UBE3A: variants seen among roughly 807,000 people sequenced by gnomAD.
The protein encoded by UBE3A is ubiquitin protein ligase E3A.
UBE3A carries 6 observed loss-of-function variants against 83.4 expected under a neutral mutation model. The ratio of observed to expected loss-of-function variants is 0.07; its 90% CI spans 0.04 to 0.14. The LOEUF is 0.14. Among genes scored for constraint, UBE3A ranks in the 10% least tolerant of loss-of-function variants. The pLI, the probability that UBE3A is intolerant of heterozygous loss-of-function variation, is 1.00. For synonymous variants in UBE3A, 337 were observed against 355.4 expected, an observed-to-expected ratio of 0.95 and a Z score of 0.58; for missense variants, 456 against 1,036.1, an observed-to-expected ratio of 0.44 and a Z score of 7.69.
chr15:25,435,375 G>C (rs1320037517), intron 1 of UBE3A, among the ~76,000 whole-genome samples: 1 of 152,118 alleles, frequency 6.6e-6, no homozygotes. Context: ...CCTAATAAAT[G>C]TTAGTTGATC....
intron 1 of UBE3A, among the ~76,000 whole-genome samples, chr15:25,432,403 C>T (rs908198414): frequency 2.0e-5 from 3 of 152,176 alleles, no homozygotes; most frequent in Admixed American, 2.0e-4. Flanking sequence ...GAAAAGCCAT[C>T]CCTTCTGATT....
chr15:25,348,308 ACATAAGGAAC>A (rs1375026705), intron 11 of UBE3A, among the ~76,000 whole-genome samples: 1 of 152,224 alleles, frequency 6.6e-6, no homozygotes, highest in African/African-American at 2.4e-5. Context: ...CCTAGAAAAT[ACATAAGGAAC>A]CCTTAAAACT....
At chr15:25,399,395 C>T (rs1034380888) in intron 4 of UBE3A, among the ~76,000 whole-genome samples, 1 of 152,100 alleles carries the variant, frequency 6.6e-6, no homozygotes, top group Non-Finnish European at 1.5e-5. Context: ...ATGTGAGATA[C>T]AGGTCTGATT....
At chr15:25,432,160 A>G (rs1177419751) in intron 1 of UBE3A, among the ~76,000 whole-genome samples, 1 of 152,254 alleles carries the variant, frequency 6.6e-6, no homozygotes, top group Non-Finnish European at 1.5e-5. Flanking sequence ...CATGAGTTTA[A>G]CATGAGCTTT....
chr15:25,392,887 T>A (rs528139974), intron 4 of UBE3A, among the ~76,000 whole-genome samples: 1 of 152,294 alleles, frequency 6.6e-6, no homozygotes, highest in African/African-American at 2.4e-5. Flanking sequence ...TAAGTAATTC[T>A]TTTTTTAGCC....
intron 1 of UBE3A, among the ~76,000 whole-genome samples, chr15:25,414,935 GT>G (rs2090604473): frequency 6.6e-6 from 1 of 152,110 alleles, no homozygotes; most frequent in Non-Finnish European, 1.5e-5. Flanking sequence ...TATACTTCCA[GT>G]GCTTGCAAAT....
chr15:25,416,059 A>G (rs1037105158), intron 1 of UBE3A, among the ~76,000 whole-genome samples: 1 of 152,192 alleles, frequency 6.6e-6, no homozygotes, highest in African/African-American at 2.4e-5. Context: ...CCAGATATTA[A>G]AACATATTAA....
intron 4 of UBE3A, among the ~76,000 whole-genome samples, chr15:25,377,346 A>G (rs1158102095): frequency 6.6e-6 from 1 of 152,222 alleles, no homozygotes. Flanking sequence ...CACTCACTGC[A>G]TGCAAACAGA....
At chr15:25,428,947 AAAC>A (rs1892212846) in intron 1 of UBE3A, among the ~76,000 whole-genome samples, 1 of 152,192 alleles carries the variant, frequency 6.6e-6, no homozygotes, top group Non-Finnish European at 1.5e-5. Flanking sequence ...AGCAAAAAGA[AAAC>A]AACTCAAAAT....
chr15:25,416,746 G>C (rs1052682481), intron 1 of UBE3A, among the ~76,000 whole-genome samples: 20 of 151,982 alleles, frequency 1.3e-4, no homozygotes, highest in Non-Finnish European at 2.6e-4. Flanking sequence ...GAAAGTATCT[G>C]ACAGTTGCTC....
At chr15:25,381,757 C>T (rs1017891147) in intron 4 of UBE3A, among the ~76,000 whole-genome samples, 8 of 152,116 alleles carry the variant, frequency 5.3e-5, no homozygotes, top group African/African-American at 1.9e-4. Flanking sequence ...GAGTGAGCAA[C>T]GGTATCCTAA....
rs1344607427 is a variant in UBE3A, at chr15:25,334,139, AG to A, written c.*4997del. 1.3e-5 allele frequency: 2 copies of A among 152,200 alleles called. No individual in the cohort carries two copies. The highest frequency in any genetic ancestry group is 4.8e-5 in the African/African-American group (2 of 41,454). 9.4% of individuals were successfully genotyped at this position (152,200 alleles called of 1,614,324 possible). On this transcript the variant is annotated 3_prime_UTR_variant, in exon 13 of 13. Coordinates refer to ENST00000648336, the MANE Select transcript of UBE3A (RefSeq NM_130839.5). ...GAAATAATAGGAATCTAGACTGGAAAGGAAGAAGTAAAAGTATTTCTGTTCA... is the reference window on the plus strand; with the variant it reads ...GAAATAATAGGAATCTAGACTGGAAAGAAGAAGTAAAAGTATTTCTGTTCA...
chr15:25,370,524 A>G lies in UBE3A; in HGVS notation c.1608+42T>C. On this transcript the variant is annotated intron_variant, in intron 6 of 12. Transcript: ENST00000648336. The surrounding 1 kb of genome is among the most constrained non-coding windows in gnomAD (Gnocchi z 4.2). ...AATGAATTCACTGAACTGTATCATG[A>G]TATCCCCATTATTAGGTTTTTAATC... The G allele has an allele frequency of 6.2e-7, 1 of 1,610,640 alleles. No homozygotes were observed. The highest frequency in any genetic ancestry group is 8.5e-7 in the Non-Finnish European group (1 of 1,176,920).
At position 25,338,148 on chromosome 15, in the gene UBE3A, CTATT is replaced by C. The variant is rs2074118571; in HGVS notation, c.*985_*988del. 6.6e-6 allele frequency: 1 copy of C among 152,064 alleles called. No homozygotes were observed. Among genetic ancestry groups the C allele is most frequent in the Non-Finnish European group, 1.5e-5 (1 of 67,978 alleles). 9.4% of individuals were successfully genotyped at this position (152,064 alleles called of 1,614,324 possible). On this transcript the variant is annotated 3_prime_UTR_variant, in exon 13 of 13. Coordinates refer to ENST00000648336, the MANE Select transcript of UBE3A (RefSeq NM_130839.5). ...ACACGAAGGGGAGACTTTGGATTGT[CTATT>C]TAAAATCTAGGTAATAAGTAAGTAA... is the stretch of plus-strand genomic sequence containing the variant.
At chr15:25,394,243 CAG>C (rs1362654205) in intron 4 of UBE3A, among the ~76,000 whole-genome samples, 3 of 152,198 alleles carry the variant, frequency 2.0e-5, no homozygotes, top group Admixed American at 6.5e-5. Context: ...TAGCAAATTA[CAG>C]AGTCTCAACA....
intron 6 of UBE3A, 49 bp from the exon 7 acceptor site, chr15:25,360,576 G>T: frequency 6.3e-7 from 1 of 1,590,554 alleles, no homozygotes. Flanking sequence ...GCTAGTATCA[G>T]GAAAAAAACA....
At chr15:25,391,427 T>G (rs1252201449) in intron 4 of UBE3A, among the ~76,000 whole-genome samples, 1 of 152,232 alleles carries the variant, frequency 6.6e-6, no homozygotes, top group Non-Finnish European at 1.5e-5. Context: ...TGCACAACAA[T>G]GTGCACAGTT....
chr15:25,360,357 C>T lies in UBE3A; in HGVS notation c.1753+26G>A, dbSNP rs750926219. 14 of 1,612,914 alleles carry T rather than the reference C, an allele frequency of 8.7e-6. No homozygotes were observed. The South Asian group carries it at 1.5e-4, about 18-fold the overall frequency. ...ACTAACTCAAAAGATGATACGACAC[C>T]ATAATCACATTACTAATGTATTTAC... On this transcript the variant is annotated intron_variant, in intron 7 of 12. Transcript: ENST00000648336.
In UBE3A at chr15:25,368,413, A is replaced by G. The variant is rs2079687924; in HGVS notation, c.1608+2153T>C. Among the ~76,000 whole-genome samples the G allele has an allele frequency of 3.9e-5, 6 of 152,248 alleles. No homozygotes were observed. The South Asian group carries it at 1.2e-3, about 32-fold the overall frequency. ...AAAAAAAAGAAAAGGAAGAAAAAGC[A>G]AGGGAGAAAGAAAGTTAAGAGTAAA... On this transcript the variant is annotated intron_variant, in intron 6 of 12. Coordinates refer to ENST00000648336, the MANE Select transcript of UBE3A (RefSeq NM_130839.5).
Sources: allele counts gnomAD v4.1 joint callset (sites outside exome capture counted in the v4.1 genomes callset), GRCh38; gene constraint gnomAD v4.1.1; non-coding constraint Gnocchi (gnomAD v3.1); transcripts MANE v1.5; gene names NCBI Gene and HGNC (gene_info 2026-07-23, HGNC 2026-07-21).